The following MYO18B variants were observed in gnomAD, a reference collection of about 807,000 sequenced individuals.
MYO18B encodes unconventional myosin-XVIIIb.
Under a neutral mutation model 273.0 loss-of-function variants are expected in MYO18B, and 204 were observed. The ratio of observed to expected loss-of-function variants is 0.75; its 90% CI spans 0.67 to 0.84. MYO18B has a LOEUF of 0.84. MYO18B is among the 40% of genes least tolerant of loss of function. MYO18B has a pLI of 0.00. For synonymous variants in MYO18B, 1,330 were observed against 1,305.7 expected (o/e 1.02, Z -0.40); for missense variants, 3,212 against 3,287.6 (o/e 0.98, Z 0.56).
At chr22:25,792,603 G>A (rs1337759040) in intron 11 of MYO18B, among the ~76,000 whole-genome samples, 1 of 143,912 alleles carries the variant, frequency 6.9e-6, no homozygotes, top group East Asian at 2.2e-4. Flanking sequence ...CAAGCCATTC[G>A]CCTGCCTTAG....
At chr22:26,001,517 AG>A (rs1197823920) in intron 40 of MYO18B, among the ~76,000 whole-genome samples, 1 of 152,226 alleles carries the variant, frequency 6.6e-6, no homozygotes, top group African/African-American at 2.4e-5. Flanking sequence ...GAAAGGCAGT[AG>A]AGAGAAATCC....
intron 42 of MYO18B, among the ~76,000 whole-genome samples, chr22:26,019,469 A>G (rs1229834979): frequency 1.3e-5 from 2 of 152,234 alleles, no homozygotes; most frequent in Non-Finnish European, 2.9e-5. Context: ...TGCAAAGCCT[A>G]AAGGCATAAT....
At chr22:25,892,852 G>A (rs1316620668) in intron 27 of MYO18B, among the ~76,000 whole-genome samples, 1 of 152,148 alleles carries the variant, frequency 6.6e-6, no homozygotes, top group Non-Finnish European at 1.5e-5. Flanking sequence ...GGCCTTGGAG[G>A]TAATTTCTAT....
At position 25,780,197 on chromosome 22, in the gene MYO18B, A is replaced by G. The variant is rs1406935647; in HGVS notation, c.2210A>G (p.Gln737Arg). Residue 737 changes from glutamine (Q) to arginine (R), a missense_variant and splice_region_variant, in exon 9 of 44, where the codon CAG becomes CGG. Transcript: ENST00000335473. ...GGCCGCATCACAGCTGCTCAGCTCC[A>G]GGTGAGGCCTCTCGGGGGATGTGCA... ...ATGRITAAQL[Q>R]TMLLEKSRVA... The G allele has an allele frequency of 6.2e-7, 1 of 1,602,494 alleles. No homozygotes were observed. Among genetic ancestry groups the G allele is most frequent in the Admixed American group, 1.7e-5 (1 of 58,848 alleles).
intron 18 of MYO18B, among the ~76,000 whole-genome samples, chr22:25,844,996 T>C (rs1324963671): frequency 6.6e-6 from 1 of 152,174 alleles, no homozygotes; most frequent in Non-Finnish European, 1.5e-5. Context: ...TAGCCCAGCT[T>C]TGGGGACAGG....
chr22:25,967,159 CT>C (rs2092988577), intron 39 of MYO18B, among the ~76,000 whole-genome samples: 1 of 152,198 alleles, frequency 6.6e-6, no homozygotes. Flanking sequence ...ACTTTCGTCA[CT>C]TCAGACTTGC....
intron 34 of MYO18B, among the ~76,000 whole-genome samples, chr22:25,927,661 C>A (rs954399295): frequency 1.3e-5 from 2 of 152,146 alleles, no homozygotes; most frequent in Non-Finnish European, 2.9e-5. Flanking sequence ...CACACCTATT[C>A]GCGTACTCCC....
At chr22:25,832,649 C>T (rs772853357) in intron 15 of MYO18B, among the ~76,000 whole-genome samples, 2 of 152,022 alleles carry the variant, frequency 1.3e-5, no homozygotes, top group African/African-American at 2.4e-5. Flanking sequence ...ACAGAGATTC[C>T]GTTTTGAAAG....
chr22:25,817,372 C>T (rs2089073238), intron 12 of MYO18B, among the ~76,000 whole-genome samples: 1 of 130,334 alleles, frequency 7.7e-6, no homozygotes, highest in African/African-American at 3.0e-5. Context: ...TCTCTCCTTC[C>T]TTCTCCCTCC....
At chr22:25,814,294 C>CTTTTTTTTTTTTTTTTTTTTTT (rs398036691) in intron 12 of MYO18B, among the ~76,000 whole-genome samples, 2 of 59,496 alleles carry the variant, frequency 3.4e-5, no homozygotes, top group Non-Finnish European at 6.5e-5. Context: ...AGGCACCGTT[C>CTTTTTTTTTTTTTTTTTTTTTT]TTTTTTTTTT....
At chr22:26,042,654 C>G in the MYO18B span, among the ~76,000 whole-genome samples, 11 of 152,240 alleles carry the variant, frequency 7.2e-5, no homozygotes, top group East Asian at 1.7e-3. Flanking sequence ...AGGACAGTCT[C>G]TCTCCCAGCT....
intron 42 of MYO18B, among the ~76,000 whole-genome samples, chr22:26,023,629 G>A (rs1042485186): frequency 2.0e-5 from 3 of 152,064 alleles, no homozygotes; most frequent in Admixed American, 6.5e-5. Flanking sequence ...GCAGAGTCCC[G>A]GGAGATTCAG....
At position 25,780,211 on chromosome 22, in the gene MYO18B, G is replaced by T; in HGVS notation, c.2211+13G>T. On this transcript the variant is annotated intron_variant, in intron 9 of 43. Transcript: ENST00000335473. ...TGCTCAGCTCCAGGTGAGGCCTCTCGGGGGATGTGCAAGGGGGCCCTTGGG... is the reference window on the plus strand; with the variant it reads ...TGCTCAGCTCCAGGTGAGGCCTCTCTGGGGATGTGCAAGGGGGCCCTTGGG... 6.3e-7 allele frequency: 1 copy of T among 1,596,652 alleles called. No individual in the cohort carries two copies. The highest frequency in any genetic ancestry group is 1.1e-5 in the South Asian group (1 of 88,280).
chr22:26,016,834 C>T (rs1245183437), intron 42 of MYO18B, among the ~76,000 whole-genome samples: 4 of 152,188 alleles, frequency 2.6e-5, no homozygotes, highest in Non-Finnish European at 4.4e-5. Context: ...CCAGGAGAGG[C>T]CCCAGCCCAG....
chr22:25,916,651 A>G (rs750427833), intron 33 of MYO18B, among the ~76,000 whole-genome samples: 22 of 152,188 alleles, frequency 1.4e-4, no homozygotes, highest in Non-Finnish European at 2.9e-4. Flanking sequence ...GGCATTTAGG[A>G]CAGATAACAT....
chr22:25,866,960 G>A (rs905836974), intron 21 of MYO18B, among the ~76,000 whole-genome samples: 2 of 152,114 alleles, frequency 1.3e-5, no homozygotes, highest in South Asian at 2.1e-4. Flanking sequence ...AGCATAGAGC[G>A]GGGAGGCTAT....
chr22:25,754,368 C>T (rs2146552974), intron 1 of MYO18B, among the ~76,000 whole-genome samples: 1 of 152,268 alleles, frequency 6.6e-6, no homozygotes, highest in African/African-American at 2.4e-5. Context: ...GTCGCTAGGA[C>T]AGGTGGTTAT....
chr22:25,759,706 T>C (rs1284401784), intron 1 of MYO18B, among the ~76,000 whole-genome samples: 2 of 152,152 alleles, frequency 1.3e-5, no homozygotes, highest in Non-Finnish European at 2.9e-5. Context: ...AAGTAACAGG[T>C]GTAAATAAAC....
chr22:26,010,156 CAAAT>C (rs923778057), intron 42 of MYO18B, among the ~76,000 whole-genome samples: 4 of 152,140 alleles, frequency 2.6e-5, no homozygotes, highest in African/African-American at 9.7e-5. Context: ...CCCACCCAAA[CAAAT>C]ACTCTTTCTG....
Sources: allele counts gnomAD v4.1 joint callset (sites outside exome capture counted in the v4.1 genomes callset), GRCh38; gene constraint gnomAD v4.1.1; transcripts MANE v1.5; gene names NCBI Gene and HGNC (gene_info 2026-07-23, HGNC 2026-07-21).